DHODH: variants seen among roughly 807,000 people sequenced by gnomAD.
The protein encoded by DHODH is dihydroorotate dehydrogenase (quinone), mitochondrial.
In DHODH, 30 loss-of-function variants were observed where a neutral mutation model predicts 39.7. The observed-to-expected ratio is 0.76, with a 90% CI of 0.57 to 1.02. DHODH has a LOEUF of 1.02. DHODH is among the 50% of genes least tolerant of loss of function. DHODH has a pLI of 0.00. For missense variants in DHODH, 531 were observed against 520.8 expected, an observed-to-expected ratio of 1.02 and a Z score of -0.19; for synonymous variants, 222 against 213.8, an observed-to-expected ratio of 1.04 and a Z score of -0.34.
At chr16:72,024,001 C>T (rs995332606) in intron 8 of DHODH, 144 bp from the exon 9 acceptor site, 6 of 878,048 alleles carry the variant, frequency 6.8e-6, no homozygotes, top group Non-Finnish European at 9.6e-6. Context: ...TAGAAATATC[C>T]CTAGGTCTCT....
chr16:72,010,774 G>T (rs887952466), intron 1 of DHODH, among the ~76,000 whole-genome samples: 2 of 152,202 alleles, frequency 1.3e-5, no homozygotes, highest in Non-Finnish European at 2.9e-5. Context: ...CTGTCGCCCA[G>T]GTGGAGTGCA....
chr16:72,015,737 C>T, intron 3 of DHODH: 2 of 985,438 alleles, frequency 2.0e-6, no homozygotes, highest in Non-Finnish European at 2.4e-6. Context: ...GCTTAACATT[C>T]AGCTGCTACA....
chr16:72,021,382 G>C, intron 5 of DHODH, 71 bp downstream of exon 5: 1 of 1,500,938 alleles, frequency 6.7e-7, no homozygotes, highest in Non-Finnish European at 9.0e-7. Flanking sequence ...CATTCTCCAG[G>C]GCGAACCTTC....
chr16:72,012,719 T>C (rs928245618), intron 2 of DHODH, among the ~76,000 whole-genome samples: 1 of 152,230 alleles, frequency 6.6e-6, no homozygotes, highest in African/African-American at 2.4e-5. Flanking sequence ...CCAGAGTCAT[T>C]AAGCACTGGT....
In DHODH at chr16:72,024,288, T is replaced by C; in HGVS notation, c.*89T>C. On this transcript the variant is annotated 3_prime_UTR_variant, in exon 9 of 9. Coordinates refer to ENST00000219240, the MANE Select transcript of DHODH (RefSeq NM_001361.5). ...CTGGATCATGAGAGGAGGGACTCCA[T>C]CTTGAGCCATGTCCCCCAGCCATGG... 1 of 1,419,688 alleles carries C rather than the reference T, an allele frequency of 7.0e-7. No individual in the cohort carries two copies. The highest frequency in any genetic ancestry group is 1.4e-5 in the African/African-American group (1 of 71,110). The allele number at this position is 1,419,688 out of a possible 1,614,324, so 87.9% of individuals were successfully genotyped here. A position where few individuals can be genotyped will look rare whatever the true frequency, so the allele number is the denominator to read the frequency against.
In DHODH at chr16:72,022,503, G is replaced by A. The variant is rs993738997; in HGVS notation, c.819+28G>A. On this transcript the variant is annotated intron_variant, in intron 6 of 8. Coordinates refer to ENST00000219240, the MANE Select transcript of DHODH (RefSeq NM_001361.5). ...TTGAGTCGGGGCCTGGGCCCAGGGT[G>A]TGCCTCCCATGGTCTGCAGAGGCCG... is the stretch of plus-strand genomic sequence containing the variant. 2.0e-6 allele frequency: 3 copies of A among 1,531,362 alleles called. No homozygotes were observed. The African/African-American group carries it at 4.1e-5, about 21-fold the overall frequency. The allele number at this position is 1,531,362 out of a possible 1,614,324, so 94.9% of individuals were successfully genotyped here. A position where few individuals can be genotyped will look rare whatever the true frequency, so the allele number is the denominator to read the frequency against.
rs1484645112 is a variant in DHODH, at chr16:72,023,262, A to G, written c.917A>G (p.Lys306Arg). 6.2e-7 allele frequency: 1 copy of G among 1,614,238 alleles called. No individual in the cohort carries two copies. The highest frequency in any genetic ancestry group is 1.1e-5 in the South Asian group (1 of 91,090). ...LRSETGGLSGKPLRDLSTQTI... is the reference protein window; with the variant it reads ...LRSETGGLSGRPLRDLSTQTI... Reference sequence around the variant, plus strand: ...TCTGAAACAGGAGGGCTGAGTGGGAAGCCCCTCCGGGATTTATCAACTCAA... The same window carrying G: ...TCTGAAACAGGAGGGCTGAGTGGGAGGCCCCTCCGGGATTTATCAACTCAA... The change falls in exon 7 of 9, where the codon AAG (lysine) becomes AGG (arginine). Residue 306 changes from lysine to arginine, a missense_variant. Coordinates refer to ENST00000219240, the MANE Select transcript of DHODH (RefSeq NM_001361.5).
intron 5 of DHODH, 135 bp downstream of exon 5, chr16:72,021,446 A>G (rs1266477421): frequency 3.4e-6 from 3 of 889,834 alleles, no homozygotes; most frequent in South Asian, 2.9e-5. Context: ...ACCCCTGGCT[A>G]TACCTTCCCA....
chr16:72,012,464 G>A (rs1442408900), intron 2 of DHODH, among the ~76,000 whole-genome samples: 12 of 152,174 alleles, frequency 7.9e-5, no homozygotes, highest in Admixed American at 7.9e-4. Context: ...TGTGTTAGGC[G>A]GTGTTCTTGT....
At position 72,023,224 on chromosome 16, in the gene DHODH, G is replaced by A; in HGVS notation, c.879G>A (p.Gln293=). ...NTTVSRPAGL[Q]GALRSETGGL... is the part of the protein sequence containing the mutation. ...CCGTGAGTCGCCCTGCGGGCCTCCA[G>A]GGTGCCCTGCGCTCTGAAACAGGAG... Residue 293 remains glutamine, a synonymous_variant, in exon 7 of 9, where the codon CAG becomes CAA. Transcript: ENST00000219240. 2 of 1,614,210 alleles carry A rather than the reference G, an allele frequency of 1.2e-6. No individual in the cohort carries two copies. Among genetic ancestry groups the A allele is most frequent in the South Asian group, 1.1e-5 (1 of 91,082 alleles).
chr16:72,022,107 AAAAAAG>A (rs909455167), intron 5 of DHODH, among the ~76,000 whole-genome samples: 3 of 151,884 alleles, frequency 2.0e-5, no homozygotes, highest in African/African-American at 4.8e-5. Flanking sequence ...AAAAAAAAAA[AAAAAAG>A]AAAAGAAAAG....
chr16:72,021,384 C>A, intron 5 of DHODH, 73 bp downstream of exon 5: 3 of 1,485,700 alleles, frequency 2.0e-6, no homozygotes, highest in Non-Finnish European at 2.7e-6. Context: ...TTCTCCAGGG[C>A]GAACCTTCAG....
At chr16:72,016,939 C>G (rs1469194912) in intron 3 of DHODH, 85 bp from the exon 4 acceptor site, 2 of 1,232,656 alleles carry the variant, frequency 1.6e-6, no homozygotes, top group Non-Finnish European at 1.2e-6. Context: ...TTTTTTTTTT[C>G]TCTTGTTTGA....
At chr16:72,018,108 CG>C (rs34273235) in intron 4 of DHODH, among the ~76,000 whole-genome samples, 80,668 of 151,936 alleles carry the variant, frequency 0.53, 21,792 homozygotes, top group South Asian at 0.65. Context: ...TCCGGCGATG[CG>C]GGTGTTCTCT....
chr16:72,026,187 C>T lies in DHODH; in HGVS notation c.*1988C>T, dbSNP rs1210973950. ...GCCACGTCAGGTGCCAGCGCACATACTCTGGACACCCTCCTCATTCTCTCT... is the reference window on the plus strand; with the variant it reads ...GCCACGTCAGGTGCCAGCGCACATATTCTGGACACCCTCCTCATTCTCTCT... On this transcript the variant is annotated 3_prime_UTR_variant, in exon 9 of 9. Transcript: ENST00000219240. 1 of 152,400 alleles carries T rather than the reference C, an allele frequency of 6.6e-6. No individual in the cohort carries two copies. The highest frequency in any genetic ancestry group is 2.4e-5 in the African/African-American group (1 of 41,480). The allele number at this position is 152,400 out of a possible 1,614,324, so 9.4% of individuals were successfully genotyped here.
rs770175382 is a variant in DHODH, at chr16:72,012,265, A to G, written c.234+3A>G. On this transcript the variant is annotated splice_donor_region_variant and intron_variant, in intron 2 of 8. Transcript: ENST00000219240. ...GATTTCAAGACTCTGACATGCTGGT[A>G]GTGCTCCCAGACACCCTATACATTA... 2 of 1,613,788 alleles carry G rather than the reference A, an allele frequency of 1.2e-6. No homozygotes were observed. The highest frequency in any genetic ancestry group is 1.7e-6 in the Non-Finnish European group (2 of 1,179,720).
chr16:72,011,788 C>G (rs1360469293), intron 1 of DHODH, among the ~76,000 whole-genome samples: 1 of 152,196 alleles, frequency 6.6e-6, no homozygotes, highest in African/African-American at 2.4e-5. Flanking sequence ...GCAGTGTCCA[C>G]CACGATCACC....
At chr16:72,022,796 A>G (rs1409272387) in intron 6 of DHODH, among the ~76,000 whole-genome samples, 1 of 152,060 alleles carries the variant, frequency 6.6e-6, no homozygotes, top group Non-Finnish European at 1.5e-5. Context: ...CTGTCTGGAC[A>G]GCGGGTCTCT....
intron 8 of DHODH, among the ~76,000 whole-genome samples, chr16:72,023,884 G>A (rs1171815076): frequency 6.6e-6 from 1 of 152,174 alleles, no homozygotes; most frequent in Non-Finnish European, 1.5e-5. Context: ...AGGGAGGGGA[G>A]CCTGAGGAAT....
Sources: gnomAD v4.1 joint callset for allele counts (sites outside exome capture counted in the v4.1 genomes callset) on GRCh38, gnomAD v4.1.1 for gene constraint, MANE v1.5 for transcripts, NCBI Gene and HGNC (gene_info 2026-07-23, HGNC 2026-07-21) for gene names.